AKAP19: variants seen among roughly 807,000 people sequenced by gnomAD.
The protein encoded by AKAP19 is small A-kinase anchoring protein.
the AKAP19 span, among the ~76,000 whole-genome samples, chr2:189,996,005 C>T: frequency 1.5e-4 from 23 of 152,166 alleles, no homozygotes; most frequent in Non-Finnish European, 3.1e-4. Context: ...TTACCTGATG[C>T]TTTTGCCTCA....
At chr2:189,986,582 C>A in the AKAP19 span, among the ~76,000 whole-genome samples, 1 of 152,084 alleles carries the variant, frequency 6.6e-6, no homozygotes, top group African/African-American at 2.4e-5. Context: ...GAGGCAGTAG[C>A]TCTTGTGTTG....
chr2:190,036,473 T>C, the AKAP19 span, among the ~76,000 whole-genome samples: 2 of 152,198 alleles, frequency 1.3e-5, no homozygotes, highest in African/African-American at 4.8e-5. Flanking sequence ...AATAGATTCT[T>C]TTTAAATTTT....
chr2:190,113,561 C>A, the AKAP19 span, among the ~76,000 whole-genome samples: 1 of 152,166 alleles, frequency 6.6e-6, no homozygotes, highest in Admixed American at 6.5e-5. Context: ...ACCTGGCATA[C>A]CTGCAAGAAC....
chr2:189,992,765 T>G, the AKAP19 span, among the ~76,000 whole-genome samples: 1 of 152,186 alleles, frequency 6.6e-6, no homozygotes, highest in East Asian at 1.9e-4. Flanking sequence ...CCTAAGTATT[T>G]TTTTTTACAG....
At chr2:190,202,660 A>T in the AKAP19 span, 1 of 167,098 alleles carries the variant, frequency 6.0e-6, no homozygotes, top group Non-Finnish European at 1.5e-5. Flanking sequence ...GGCAGGAGAC[A>T]TATAAAACAG....
the AKAP19 span, among the ~76,000 whole-genome samples, chr2:189,913,776 T>C: frequency 6.6e-6 from 1 of 152,126 alleles, no homozygotes; most frequent in Non-Finnish European, 1.5e-5. Context: ...CCTGTTCAAA[T>C]GTGTGACCAT....
At chr2:189,953,354 G>T in the AKAP19 span, among the ~76,000 whole-genome samples, 91,690 of 151,570 alleles carry the variant, frequency 0.6, 31,258 homozygotes, top group South Asian at 0.78. Context: ...TTTAGATATA[G>T]GCCGGGCATG....
At chr2:189,920,055 A>G in the AKAP19 span, among the ~76,000 whole-genome samples, 1 of 152,230 alleles carries the variant, frequency 6.6e-6, no homozygotes, top group African/African-American at 2.4e-5. Context: ...GCTGTGGCTT[A>G]ATCAGGATAA....
chr2:190,002,988 T>G, the AKAP19 span, among the ~76,000 whole-genome samples: 14 of 152,314 alleles, frequency 9.2e-5, no homozygotes, highest in African/African-American at 3.1e-4. Context: ...CTGAGGGTTT[T>G]TTTAATGTTG....
At chr2:190,134,129 C>T in the AKAP19 span, among the ~76,000 whole-genome samples, 1 of 151,964 alleles carries the variant, frequency 6.6e-6, no homozygotes, top group South Asian at 2.1e-4. Context: ...ATAGTTGTAG[C>T]ATTAGGACTG....
the AKAP19 span, among the ~76,000 whole-genome samples, chr2:189,898,834 C>T: frequency 5.9e-5 from 9 of 152,138 alleles, no homozygotes; most frequent in African/African-American, 9.7e-5. Context: ...CATATTGCAA[C>T]GAAAGAACCT....
At chr2:189,999,827 G>GC in the AKAP19 span, among the ~76,000 whole-genome samples, 1 of 152,174 alleles carries the variant, frequency 6.6e-6, no homozygotes, top group African/African-American at 2.4e-5. Context: ...ACTATTCAGA[G>GC]CCAGGCATGG....
At chr2:189,958,522 C>CATATATAT in the AKAP19 span, among the ~76,000 whole-genome samples, 3,137 of 143,644 alleles carry the variant, frequency 0.022, 116 homozygotes, top group African/African-American at 0.075. Flanking sequence ...ACACACATAA[C>CATATATAT]ATATATATAT....
chr2:190,110,557 T>C, the AKAP19 span, among the ~76,000 whole-genome samples: 1 of 152,296 alleles, frequency 6.6e-6, no homozygotes, highest in African/African-American at 2.4e-5. Flanking sequence ...AGAGTTACAA[T>C]AAAGAGAATA....
chr2:189,902,416 C>A, the AKAP19 span, among the ~76,000 whole-genome samples: 1 of 151,930 alleles, frequency 6.6e-6, no homozygotes, highest in African/African-American at 2.4e-5. Flanking sequence ...GGCATAATTA[C>A]AAATGAATTC....
the AKAP19 span, among the ~76,000 whole-genome samples, chr2:189,899,937 TA>T: frequency 6.6e-6 from 1 of 152,110 alleles, no homozygotes; most frequent in African/African-American, 2.4e-5. Flanking sequence ...TTCTATCCTT[TA>T]AAAAAATTTT....
At chr2:190,178,426 C>G in the AKAP19 span, among the ~76,000 whole-genome samples, 3 of 152,364 alleles carry the variant, frequency 2.0e-5, no homozygotes, top group Admixed American at 6.5e-5. The surrounding 1 kb of genome is among the most constrained non-coding windows in gnomAD (Gnocchi z 6.3). Flanking sequence ...GAGAGGGCCA[C>G]TCACAGAAGG....
chr2:190,157,574 G>A, the AKAP19 span, among the ~76,000 whole-genome samples: 1 of 151,956 alleles, frequency 6.6e-6, no homozygotes, highest in African/African-American at 2.4e-5. Flanking sequence ...ATTATCTGAT[G>A]GGGGATAGAT....
the AKAP19 span, among the ~76,000 whole-genome samples, chr2:190,175,608 G>A: frequency 6.6e-6 from 1 of 152,136 alleles, no homozygotes; most frequent in Non-Finnish European, 1.5e-5. Context: ...AAAAACTAAA[G>A]AATTTTTTTC....
Sources: allele counts gnomAD v4.1 joint callset (sites outside exome capture counted in the v4.1 genomes callset), GRCh38; gene constraint gnomAD v4.1.1; non-coding constraint Gnocchi (gnomAD v3.1); transcripts MANE v1.5; gene names NCBI Gene and HGNC (gene_info 2026-07-23, HGNC 2026-07-21).